UNC13A: variants seen among roughly 807,000 people sequenced by gnomAD.
UNC13A encodes the protein protein unc-13 homolog A.
In UNC13A, 61 loss-of-function variants were observed where a neutral mutation model predicts 219.7. The ratio of observed to expected loss-of-function variants is 0.28; its 90% CI spans 0.23 to 0.34. The LOEUF is 0.34. Ranked by LOEUF, UNC13A falls within the 10% of genes least tolerant of loss-of-function variation. The probability of loss-of-function intolerance (pLI) is 1.00; values close to 1 mark genes in which losing one functional copy is unlikely to be tolerated. For synonymous variants in UNC13A, 920 were observed against 884.6 expected (o/e 1.04, Z -0.71); for missense variants, 1,476 against 2,270.3 (o/e 0.65, Z 7.11).
At chr19:17,666,992 A>G (rs530296681) in intron 6 of UNC13A, among the ~76,000 whole-genome samples, 1 of 152,260 alleles carries the variant, frequency 6.6e-6, no homozygotes, top group Admixed American at 6.5e-5. Context: ...AGTGACTCAC[A>G]CCTGTAATCC....
rs898349056 is a variant in UNC13A at position 17,649,972 on chromosome 19, T to G, written c.1440-385A>C. On this transcript the variant is annotated intron_variant, in intron 12 of 43. Transcript: ENST00000519716. This position sits in a 1 kb window ranked among gnomAD's most constrained non-coding sequence, Gnocchi z 4.4. ...AAGCTAGAAGAGGCAGGGGAGGAATTCTCTTCTACAGATTTCAGAGGGAGC... is the reference window on the plus strand; with the variant it reads ...AAGCTAGAAGAGGCAGGGGAGGAATGCTCTTCTACAGATTTCAGAGGGAGC... Among the ~76,000 whole-genome samples, 1 of 152,100 alleles carries G rather than the reference T, an allele frequency of 6.6e-6. No individual in the cohort carries two copies. The highest frequency in any genetic ancestry group is 2.4e-5 in the African/African-American group (1 of 41,398).
At chr19:17,669,242 C>T (rs542465953) in intron 5 of UNC13A, among the ~76,000 whole-genome samples, 1 of 152,142 alleles carries the variant, frequency 6.6e-6, no homozygotes, top group Non-Finnish European at 1.5e-5. Flanking sequence ...CCTCCTATCC[C>T]CAGTTCACTG....
intron 26 of UNC13A, 143 bp from the exon 27 acceptor site, chr19:17,633,336 ACT>A (rs2076877677): frequency 1.5e-6 from 1 of 668,134 alleles, no homozygotes; most frequent in South Asian, 1.9e-5. Flanking sequence ...CTGCTGACTG[ACT>A]CTGCACTAAG....
chr19:17,687,738 G>A (rs1227702224), intron 1 of UNC13A, among the ~76,000 whole-genome samples: 1 of 151,896 alleles, frequency 6.6e-6, no homozygotes, highest in African/African-American at 2.4e-5. Flanking sequence ...ATTTCCAGCC[G>A]GGTCCGCGTC....
In UNC13A at chr19:17,641,528, T is replaced by TGCA; in HGVS notation, c.2498_2500dup (p.Val833_Gln834insLeu). 1 of 1,614,026 alleles carries TGCA rather than the reference T, an allele frequency of 6.2e-7. No homozygotes were observed. ...TGGGATCTTCACGACCCCATTGTTC[T>TGCA]GCACGTCGGTCACGAAGTGGAACAG... On this transcript the variant is annotated inframe_insertion, in exon 21 of 44. Transcript: ENST00000519716.
intron 25 of UNC13A, among the ~76,000 whole-genome samples, chr19:17,637,998 A>G (rs1484255765): frequency 3.5e-5 from 1 of 28,660 alleles, no homozygotes; most frequent in East Asian, 7.0e-4. Flanking sequence ...TTCCAACTCT[A>G]GTCAACTGAA....
Position 17,674,627 on chromosome 19 carries a change from G to A in UNC13A, c.152+30C>T. On this transcript the variant is annotated intron_variant, in intron 3 of 43. Transcript: ENST00000519716. The surrounding 1 kb of genome is among the most constrained non-coding windows in gnomAD (Gnocchi z 5.0). ...GCGAGGTGCTGGGCTATGCCAGGGA[G>A]TGAGGTCATGCCAGACGCTGCAGAC... is the stretch of plus-strand genomic sequence containing the variant. 6.2e-7 allele frequency: 1 copy of A among 1,602,376 alleles called. No homozygotes were observed. The highest frequency in any genetic ancestry group is 8.5e-7 in the Non-Finnish European group (1 of 1,170,286).
intron 41 of UNC13A, chr19:17,614,416 T>A (rs1344666090): frequency 6.6e-6 from 1 of 152,148 alleles, no homozygotes; most frequent in Non-Finnish European, 1.5e-5. Context: ...ATGGTGCCAA[T>A]GGGGATCACT....
chr19:17,653,988 G>A (rs566697029), intron 11 of UNC13A, among the ~76,000 whole-genome samples: 8 of 151,750 alleles, frequency 5.3e-5, no homozygotes, highest in South Asian at 4.2e-4. Context: ...AACCACAGCC[G>A]GCTAATTTTT....
intron 21 of UNC13A, 121 bp downstream of exon 21, chr19:17,641,269 CCCA>C (rs1286057240): frequency 1.4e-5 from 18 of 1,252,246 alleles, no homozygotes; most frequent in Admixed American, 2.3e-5. Context: ...AATTACGGAA[CCCA>C]CCACCACCAC....
rs769058540 is a variant in UNC13A at position 17,669,557 on chromosome 19, G to A, written c.390C>T (p.Pro130=). The A allele has an allele frequency of 1.6e-5, 26 of 1,613,540 alleles. No homozygotes were observed. Among genetic ancestry groups the A allele is most frequent in the Non-Finnish European group, 2.1e-5 (25 of 1,179,706 alleles). Residue 130 remains proline (P), a synonymous_variant, in exon 5 of 44, where the codon CCC becomes CCT. Transcript: ENST00000519716. ...RILLDTRFEL[P]LDIPEEEARY... is the part of the protein sequence containing the mutation. ...GTCCCGGGCCCCTGTACTCACCTAAGGGTAGCTCAAAGCGCGTGTCCAGGA... is the reference window on the plus strand; with the variant it reads ...GTCCCGGGCCCCTGTACTCACCTAAAGGTAGCTCAAAGCGCGTGTCCAGGA...
chr19:17,655,116 G>A (rs1183559954), intron 11 of UNC13A, among the ~76,000 whole-genome samples, 158 bp downstream of exon 11: 1 of 152,240 alleles, frequency 6.6e-6, no homozygotes, highest in Non-Finnish European at 1.5e-5. Context: ...TGGGCACAGT[G>A]TGGGCACTGC....
At chr19:17,608,812 A>G (rs943299250) in intron 43 of UNC13A, among the ~76,000 whole-genome samples, 2 of 150,956 alleles carry the variant, frequency 1.3e-5, no homozygotes, top group African/African-American at 2.4e-5. Context: ...CACCACACCC[A>G]GCCATATTTT....
chr19:17,667,159 G>A (rs1376095579), intron 6 of UNC13A, among the ~76,000 whole-genome samples: 1 of 152,034 alleles, frequency 6.6e-6, no homozygotes, highest in Non-Finnish European at 1.5e-5. Flanking sequence ...GCCGAGGCAG[G>A]AGAATCACTT....
intron 39 of UNC13A, 121 bp from the exon 40 acceptor site, chr19:17,618,622 T>C (rs1039935500): frequency 2.0e-6 from 2 of 1,013,884 alleles, no homozygotes; most frequent in African/African-American, 1.6e-5. Flanking sequence ...GTTTTCATCA[T>C]CCCAGCACCC....
At chr19:17,629,899 C>T (rs942007730) in intron 30 of UNC13A, among the ~76,000 whole-genome samples, 1 of 119,388 alleles carries the variant, frequency 8.4e-6, no homozygotes, top group South Asian at 2.4e-4. Flanking sequence ...ATCTCAACTC[C>T]AATCTCAATT....
At chr19:17,631,082 TC>T (rs1261713057) in intron 28 of UNC13A, among the ~76,000 whole-genome samples, 1 of 125,758 alleles carries the variant, frequency 8.0e-6, no homozygotes, top group Admixed American at 7.6e-5. Context: ...CCTCCTTCCT[TC>T]CTTCCTTCCT....
chr19:17,626,269 CATTT>C (rs1355960976), intron 34 of UNC13A: 1 of 187,626 alleles, frequency 5.3e-6, no homozygotes, highest in Admixed American at 5.7e-5. Context: ...TGCATCAAAA[CATTT>C]ATTAATCCAT....
intron 41 of UNC13A, among the ~76,000 whole-genome samples, chr19:17,615,695 C>T (rs2076655337): frequency 6.6e-6 from 1 of 151,776 alleles, no homozygotes; most frequent in African/African-American, 2.4e-5. Flanking sequence ...ACAACAACAA[C>T]AAAACCAAAC....
Sources: gnomAD v4.1 joint callset for allele counts (sites outside exome capture counted in the v4.1 genomes callset) on GRCh38, gnomAD v4.1.1 for gene constraint, Gnocchi (gnomAD v3.1) non-coding constraint, MANE v1.5 for transcripts, NCBI Gene and HGNC (gene_info 2026-07-23, HGNC 2026-07-21) for gene names.